Variants in CDKAL1 observed in about 807,000 individuals in gnomAD.
The protein encoded by CDKAL1 is threonylcarbamoyladenosine tRNA methylthiotransferase.
In CDKAL1, 32 loss-of-function variants were observed where a neutral mutation model predicts 68.2. That is an observed-to-expected ratio of 0.47 (90% CI 0.35 to 0.63). The LOEUF is 0.63. Among genes scored for constraint, CDKAL1 ranks in the 30% least tolerant of loss-of-function variants. The pLI, the probability that CDKAL1 is intolerant of heterozygous loss-of-function variation, is 0.00. For synonymous variants in CDKAL1, 234 were observed against 244.3 expected, an observed-to-expected ratio of 0.96 and a Z score of 0.39; for missense variants, 606 against 696.7, an observed-to-expected ratio of 0.87 and a Z score of 1.47.
intron 4 of CDKAL1, among the ~76,000 whole-genome samples, chr6:20,591,170 C>T (rs964869274): frequency 3.3e-5 from 5 of 151,984 alleles, no homozygotes; most frequent in South Asian, 2.1e-4. Flanking sequence ...GAGAAGTGTC[C>T]GTTCATATTC....
chr6:20,751,034 T>A lies in CDKAL1; in HGVS notation c.469-7561T>A, dbSNP rs574383158. On this transcript the variant is annotated intron_variant, in intron 6 of 15. Transcript: ENST00000274695. ...TCCCTAGTAGTGTTTGAGGATTAAGTGTGATAATGCACGTGAAGTGTCAGT... is the reference window on the plus strand; with the variant it reads ...TCCCTAGTAGTGTTTGAGGATTAAGAGTGATAATGCACGTGAAGTGTCAGT... Among the ~76,000 whole-genome samples the A allele has an allele frequency of 3.4e-5, 5 of 145,194 alleles. No homozygotes were observed. In the South Asian group the frequency reaches 9.0e-4, roughly 26 times the overall value.
At chr6:20,829,673 G>A (rs71563980) in intron 8 of CDKAL1, among the ~76,000 whole-genome samples, 3 of 152,146 alleles carry the variant, frequency 2.0e-5, no homozygotes, top group African/African-American at 7.2e-5. Context: ...AGAAAAAGTA[G>A]CATCAAATGT....
intron 9 of CDKAL1, among the ~76,000 whole-genome samples, chr6:20,851,391 A>G (rs919143063): frequency 1.3e-5 from 2 of 152,206 alleles, no homozygotes; most frequent in African/African-American, 2.4e-5. Context: ...CAGCTAATCA[A>G]TCAGTTTCAG....
intron 8 of CDKAL1, among the ~76,000 whole-genome samples, chr6:20,789,111 T>C (rs549367607): frequency 1.3e-5 from 2 of 152,236 alleles, no homozygotes; most frequent in East Asian, 1.9e-4. Flanking sequence ...GTGAAAGTTA[T>C]ATGAAACAAT....
intron 4 of CDKAL1, among the ~76,000 whole-genome samples, chr6:20,569,934 A>G (rs2127676831): frequency 6.6e-6 from 1 of 152,234 alleles, no homozygotes; most frequent in East Asian, 1.9e-4. Context: ...TCTGGGCTTT[A>G]ATACGTGTAT....
At chr6:20,613,046 A>ACAC (rs1561966453) in intron 4 of CDKAL1, among the ~76,000 whole-genome samples, 7 of 127,576 alleles carry the variant, frequency 5.5e-5, no homozygotes, top group African/African-American at 1.7e-4. Context: ...CACACACACA[A>ACAC]AGGGTATGGA....
intron 9 of CDKAL1, among the ~76,000 whole-genome samples, chr6:20,929,146 G>T (rs1325612405): frequency 6.6e-6 from 1 of 152,158 alleles, no homozygotes; most frequent in Non-Finnish European, 1.5e-5. Context: ...AGACAGTATG[G>T]AAGGATCCCA....
At chr6:20,929,651 G>A (rs1302355693) in intron 9 of CDKAL1, among the ~76,000 whole-genome samples, 1 of 152,180 alleles carries the variant, frequency 6.6e-6, no homozygotes, top group Non-Finnish European at 1.5e-5. Flanking sequence ...ATGGGCGGGT[G>A]TATTATTATC....
chr6:20,582,746 A>T (rs772380724), intron 4 of CDKAL1, among the ~76,000 whole-genome samples: 3 of 152,172 alleles, frequency 2.0e-5, no homozygotes, highest in African/African-American at 4.8e-5. Flanking sequence ...TATAATACTT[A>T]AAAAAAGTCA....
At chr6:20,678,724 G>C (rs1770238715) in intron 5 of CDKAL1, among the ~76,000 whole-genome samples, 1 of 151,720 alleles carries the variant, frequency 6.6e-6, no homozygotes, top group African/African-American at 2.4e-5. Context: ...TACATTGTTT[G>C]GTCTCTGCTC....
chr6:20,548,117 A>T (rs950918156), intron 3 of CDKAL1, among the ~76,000 whole-genome samples: 9 of 152,216 alleles, frequency 5.9e-5, no homozygotes, highest in Admixed American at 2.0e-4. Context: ...TAGACTTTTG[A>T]TACAACAACA....
intron 4 of CDKAL1, among the ~76,000 whole-genome samples, chr6:20,585,715 C>T (rs1373481148): frequency 6.6e-6 from 1 of 152,158 alleles, no homozygotes; most frequent in Non-Finnish European, 1.5e-5. Context: ...ACTGGCTGCC[C>T]CTTCAGTCAT....
chr6:21,139,226 G>A (rs2151031780), intron 13 of CDKAL1, among the ~76,000 whole-genome samples: 1 of 152,244 alleles, frequency 6.6e-6, no homozygotes, highest in East Asian at 1.9e-4. Flanking sequence ...CCTTTAAGTG[G>A]CTACTTTTGA....
At chr6:20,828,922 T>C (rs116459573) in intron 8 of CDKAL1, among the ~76,000 whole-genome samples, 1,720 of 152,270 alleles carry the variant, frequency 0.011, 31 homozygotes, top group African/African-American at 0.038. Flanking sequence ...GTACCTCATA[T>C]AAGTAGAATC....
intron 10 of CDKAL1, among the ~76,000 whole-genome samples, chr6:20,970,639 T>C (rs182485464): frequency 7.9e-4 from 120 of 152,264 alleles, no homozygotes; most frequent in Non-Finnish European, 1.4e-3. Context: ...CTCATAAAGC[T>C]TTTGAGGAAG....
At chr6:20,941,096 GAA>G (rs68174523) in intron 9 of CDKAL1, among the ~76,000 whole-genome samples, 3 of 113,568 alleles carry the variant, frequency 2.6e-5, no homozygotes, top group Admixed American at 9.2e-5. Flanking sequence ...ATCTCAAAAA[GAA>G]AAAAAAAAAA....
At chr6:20,823,166 A>G (rs564862699) in intron 8 of CDKAL1, among the ~76,000 whole-genome samples, 193 of 152,160 alleles carry the variant, frequency 1.3e-3, no homozygotes, top group Admixed American at 3.1e-3. Flanking sequence ...CTTGGTATCC[A>G]TTTGTGAAAT....
chr6:20,896,045 G>A (rs1373679269), intron 9 of CDKAL1, among the ~76,000 whole-genome samples: 1 of 151,074 alleles, frequency 6.6e-6, no homozygotes, highest in Non-Finnish European at 1.5e-5. Context: ...AGATAAAATT[G>A]AAGAGATTGG....
chr6:20,672,134 C>T (rs890125063), intron 5 of CDKAL1, among the ~76,000 whole-genome samples: 2 of 151,738 alleles, frequency 1.3e-5, no homozygotes, highest in African/African-American at 4.8e-5. Context: ...GTCTCCCTTC[C>T]CTTCCCTCTC....
Sources: allele counts gnomAD v4.1 joint callset (sites outside exome capture counted in the v4.1 genomes callset), GRCh38; gene constraint gnomAD v4.1.1; transcripts MANE v1.5; gene names NCBI Gene and HGNC (gene_info 2026-07-23, HGNC 2026-07-21).